TENM2: variants seen among roughly 807,000 people sequenced by gnomAD.
TENM2 encodes teneurin-2.
Under a neutral mutation model 245.2 loss-of-function variants are expected in TENM2, and 52 were observed. The observed-to-expected ratio is 0.21, with a 90% confidence interval of 0.17 to 0.27. The LOEUF is 0.27. Among genes scored for constraint, TENM2 ranks in the 10% least tolerant of loss-of-function variants. The pLI, the probability that TENM2 is intolerant of heterozygous loss-of-function variation, is 1.00. For synonymous variants in TENM2, 1,363 were observed against 1,438.9 expected, an observed-to-expected ratio of 0.95 and a Z score of 1.19; for missense variants, 3,046 against 3,666.8, an observed-to-expected ratio of 0.83 and a Z score of 4.37.
the TENM2 span, among the ~76,000 whole-genome samples, chr5:167,263,841 T>C: frequency 1.3e-5 from 2 of 152,020 alleles, no homozygotes; most frequent in Non-Finnish European, 1.5e-5. Context: ...TCCCTGGCCA[T>C]ACATGGTGGC....
the TENM2 span, among the ~76,000 whole-genome samples, chr5:167,087,215 G>A: frequency 6.6e-6 from 1 of 152,182 alleles, no homozygotes; most frequent in African/African-American, 2.4e-5. Context: ...GCCTCCTTTA[G>A]AGTCTTTGTT....
chr5:167,792,321 C>A (rs1765033001), intron 2 of TENM2, among the ~76,000 whole-genome samples: 1 of 152,030 alleles, frequency 6.6e-6, no homozygotes, highest in African/African-American at 2.4e-5. Flanking sequence ...TTGCCTTTGG[C>A]TTACAGGTCA....
chr5:167,255,714 T>C, the TENM2 span, among the ~76,000 whole-genome samples: 72 of 152,306 alleles, frequency 4.7e-4, no homozygotes, highest in Middle Eastern at 3.4e-3. Context: ...AACTGTAGAC[T>C]ATGTCAGTTA....
At chr5:167,609,069 T>A (rs1445233830) in intron 2 of TENM2, among the ~76,000 whole-genome samples, 2 of 152,144 alleles carry the variant, frequency 1.3e-5, no homozygotes, top group African/African-American at 4.8e-5. Flanking sequence ...TGTGAAGTCA[T>A]TTGAAGTAGG....
In TENM2 at chr5:167,525,186, TTGAA is replaced by T. The variant is rs1771027237; in HGVS notation, c.502+149716_502+149719del. Among the ~76,000 whole-genome samples, 3 of 152,170 alleles carry T rather than the reference TTGAA, an allele frequency of 2.0e-5. No homozygotes were observed. In the Middle Eastern group the frequency reaches 0.01, roughly 518 times the overall value. Reference sequence around the variant, plus strand: ...TGCAGAACATCAGAAAGAATTTCCTTTGAATGCGCAAATCTGTGTAAGCCGATTG... The same window carrying T: ...TGCAGAACATCAGAAAGAATTTCCTTTGCGCAAATCTGTGTAAGCCGATTG... On this transcript the variant is annotated intron_variant, in intron 2 of 28. Transcript: ENST00000518659.
intron 2 of TENM2, among the ~76,000 whole-genome samples, chr5:167,545,103 G>A (rs951468434): frequency 1.1e-4 from 16 of 152,076 alleles, no homozygotes; most frequent in Admixed American, 3.9e-4. Context: ...TGTAAAGAGC[G>A]GAGATTTTGG....
chr5:167,874,509 C>T (rs1382613089), intron 2 of TENM2, among the ~76,000 whole-genome samples: 3 of 152,186 alleles, frequency 2.0e-5, no homozygotes, highest in Non-Finnish European at 4.4e-5. Context: ...GTACTTCTTA[C>T]TTGCATTGCA....
intron 2 of TENM2, among the ~76,000 whole-genome samples, chr5:167,828,611 T>A (rs1393142481): frequency 2.6e-5 from 4 of 152,172 alleles, no homozygotes; most frequent in Non-Finnish European, 5.9e-5. Context: ...CTGTAGCCAA[T>A]AATAAATGAT....
At chr5:167,052,805 C>T in the TENM2 span, among the ~76,000 whole-genome samples, 2 of 151,356 alleles carry the variant, frequency 1.3e-5, no homozygotes, top group Non-Finnish European at 2.9e-5. Context: ...CTCCTGGGCA[C>T]TGTTGGAAAT....
rs183147571 is a variant in TENM2 at position 167,478,553 on chromosome 5, A to G, written c.502+103080A>G. ...TCCTATCACCATCCACCAGCCGGATATGGCTTGACATTTTCAGAGTTCAGA... is the reference window on the plus strand; with the variant it reads ...TCCTATCACCATCCACCAGCCGGATGTGGCTTGACATTTTCAGAGTTCAGA... On this transcript the variant is annotated intron_variant, in intron 2 of 28. Coordinates refer to ENST00000518659, the Ensembl canonical transcript of TENM2. Among the ~76,000 whole-genome samples, 22 of 152,280 alleles carry G rather than the reference A, an allele frequency of 1.4e-4. No individual in the cohort carries two copies. In the East Asian group the frequency reaches 3.3e-3, roughly 23 times the overall value.
intron 2 of TENM2, among the ~76,000 whole-genome samples, chr5:167,468,019 C>A (rs1311363583): frequency 1.3e-5 from 2 of 152,170 alleles, no homozygotes; most frequent in Non-Finnish European, 2.9e-5. Flanking sequence ...TCATTGCAAC[C>A]TCTGCCTCCC....
chr5:167,186,308 G>T, the TENM2 span, among the ~76,000 whole-genome samples: 1 of 152,176 alleles, frequency 6.6e-6, no homozygotes, highest in Non-Finnish European at 1.5e-5. Flanking sequence ...CTGACAACAT[G>T]CTGCTGTGTT....
Position 167,692,793 on chromosome 5 carries a change from A to G in TENM2, c.503-183193A>G, listed in dbSNP as rs532804790. Among the ~76,000 whole-genome samples, 6 of 152,262 alleles carry G rather than the reference A, an allele frequency of 3.9e-5. No homozygotes were observed. In the South Asian group the frequency reaches 1.0e-3, roughly 26 times the overall value. ...GGTGAACTGTTGAGAGGTTGCCCAA[A>G]TGGCCTTTGGGCTTTCTTCTAGAAT... On this transcript the variant is annotated intron_variant, in intron 2 of 28. Coordinates refer to ENST00000518659, the Ensembl canonical transcript of TENM2.
At chr5:167,510,497 G>A (rs1335864767) in intron 2 of TENM2, among the ~76,000 whole-genome samples, 1 of 152,102 alleles carries the variant, frequency 6.6e-6, no homozygotes, top group Non-Finnish European at 1.5e-5. Context: ...AAGTGTGGAG[G>A]ATCAGCAGTT....
chr5:167,440,211 C>T (rs1764803164), intron 2 of TENM2, among the ~76,000 whole-genome samples: 1 of 152,174 alleles, frequency 6.6e-6, no homozygotes, highest in African/African-American at 2.4e-5. Flanking sequence ...GATCATTCTA[C>T]TTATAACAAT....
At chr5:167,151,316 C>T in the TENM2 span, among the ~76,000 whole-genome samples, 1 of 152,030 alleles carries the variant, frequency 6.6e-6, no homozygotes, top group Non-Finnish European at 1.5e-5. Context: ...CCATTGAGTA[C>T]CATGAGACAT....
intron 1 of TENM2, among the ~76,000 whole-genome samples, chr5:167,344,216 T>A (rs1317450259): frequency 6.7e-6 from 1 of 148,422 alleles, no homozygotes; most frequent in Non-Finnish European, 1.5e-5. Flanking sequence ...GATATGAAAC[T>A]GACTGCATAA....
chr5:167,436,245 C>T (rs1294590589), intron 2 of TENM2, among the ~76,000 whole-genome samples: 2 of 151,880 alleles, frequency 1.3e-5, no homozygotes, highest in Admixed American at 6.6e-5. Flanking sequence ...TACCACCACA[C>T]CCAGCTAATT....
At chr5:167,051,512 G>C in the TENM2 span, among the ~76,000 whole-genome samples, 5 of 151,946 alleles carry the variant, frequency 3.3e-5, no homozygotes, top group Non-Finnish European at 7.4e-5. Flanking sequence ...TGGCTATAGT[G>C]TTTTCCAGTC....
Sources: gnomAD v4.1 joint callset for allele counts (sites outside exome capture counted in the v4.1 genomes callset) on GRCh38, gnomAD v4.1.1 for gene constraint, MANE v1.5 for transcripts, NCBI Gene and HGNC (gene_info 2026-07-23, HGNC 2026-07-21) for gene names.